TNRC6A: variants seen among roughly 807,000 people sequenced by gnomAD.
TNRC6A encodes the protein trinucleotide repeat containing adaptor 6A, also known as trinucleotide repeat-containing gene 6A protein.
A neutral mutation model predicts 221.2 loss-of-function variants in TNRC6A; 44 were observed. That is an observed-to-expected ratio of 0.20 (90% CI 0.16 to 0.26). The LOEUF is 0.26. TNRC6A is among the 10% of genes least tolerant of loss of function. The pLI, the probability that TNRC6A is intolerant of heterozygous loss-of-function variation, is 1.00. For synonymous variants in TNRC6A, 847 were observed against 838.5 expected, an observed-to-expected ratio of 1.01 and a Z score of -0.18; for missense variants, 2,199 against 2,404.4, an observed-to-expected ratio of 0.91 and a Z score of 1.79.
chr16:24,759,084 G>A (rs2057309811), intron 4 of TNRC6A, among the ~76,000 whole-genome samples: 1 of 152,056 alleles, frequency 6.6e-6, no homozygotes, highest in Admixed American at 6.5e-5. Flanking sequence ...GATGAATAAA[G>A]GAATGAAATG....
At chr16:24,640,130 T>C (rs985790388) in intron 1 of TNRC6A, among the ~76,000 whole-genome samples, 3 of 152,248 alleles carry the variant, frequency 2.0e-5, no homozygotes, top group Non-Finnish European at 4.4e-5. Context: ...CCAGGCATAG[T>C]GGCTCACGCC....
rs766868331 is a variant in TNRC6A, at chr16:24,806,612, A to C, written c.4368A>C (p.Gln1456His). 1 of 1,614,220 alleles carries C rather than the reference A, an allele frequency of 6.2e-7. No individual in the cohort carries two copies. Among genetic ancestry groups the C allele is most frequent in the African/African-American group, 1.3e-5 (1 of 75,060 alleles). The change falls in exon 17 of 25, where the codon CAA becomes CAC. Residue 1456 changes from glutamine to histidine, a missense_variant. Gln to His is a conservative substitution (Grantham distance 24, BLOSUM62 0). Transcript: ENST00000395799. ...GTGTGCAGCAGCAAATGATGCAACA[A>C]TCTCGTCAACTTGATCCAAACCTGT... is the stretch of plus-strand genomic sequence containing the variant. ...PLSVQQQMMQ[Q>H]SRQLDPNLLV...
chr16:24,804,989 T>TA, intron 13 of TNRC6A, 25 bp from the exon 14 acceptor site: 1 of 1,614,222 alleles, frequency 6.2e-7, no homozygotes, highest in Non-Finnish European at 8.5e-7. Context: ...ATCCCACTGT[T>TA]ACTTGTTGCT....
chr16:24,778,051 A>G (rs1266990445), intron 5 of TNRC6A, among the ~76,000 whole-genome samples: 1 of 152,190 alleles, frequency 6.6e-6, no homozygotes, highest in African/African-American at 2.4e-5. Flanking sequence ...CAGGTAGAGA[A>G]TTAGGTGCTA....
chr16:24,642,570 C>T (rs913849000), intron 2 of TNRC6A, among the ~76,000 whole-genome samples: 3 of 152,192 alleles, frequency 2.0e-5, no homozygotes, highest in East Asian at 3.9e-4. Context: ...GTAATCCCAG[C>T]ACTTTGGGAG....
At chr16:24,715,462 T>C (rs770303350) in intron 2 of TNRC6A, among the ~76,000 whole-genome samples, 4 of 152,116 alleles carry the variant, frequency 2.6e-5, no homozygotes, top group Non-Finnish European at 4.4e-5. Context: ...AAAACCCTCC[T>C]AAGTACCATA....
intron 2 of TNRC6A, among the ~76,000 whole-genome samples, chr16:24,707,832 G>A (rs1015396370): frequency 6.6e-6 from 1 of 152,202 alleles, no homozygotes; most frequent in African/African-American, 2.4e-5. Flanking sequence ...GCCAAGGTGG[G>A]TAGACGTCTT....
chr16:24,776,822 T>C, intron 4 of TNRC6A, 111 bp from the exon 5 acceptor site: 1 of 1,511,204 alleles, frequency 6.6e-7, no homozygotes, highest in Non-Finnish European at 8.8e-7. Flanking sequence ...CACAGAAAGC[T>C]TCTGTTTTTT....
intron 18 of TNRC6A, among the ~76,000 whole-genome samples, chr16:24,810,277 A>G (rs761855459): frequency 6.6e-6 from 1 of 152,110 alleles, no homozygotes; most frequent in Non-Finnish European, 1.5e-5. Flanking sequence ...CACCCAGCAA[A>G]TATTAATCGA....
Position 24,659,890 on chromosome 16 carries a change from A to G in TNRC6A, n.402+18881A>G, listed in dbSNP as rs376375487. Among the ~76,000 whole-genome samples the G allele has an allele frequency of 2.6e-5, 4 of 152,210 alleles. No homozygotes were observed. In the South Asian group the frequency reaches 6.2e-4, roughly 24 times the overall value. ...AAGATGTATCCTCTATTATTAGTGC[A>G]TAGTATTCGACATAAACTACAAAGT... On this transcript the variant is annotated intron_variant and non_coding_transcript_variant, in intron 2 of 2. Transcript: ENST00000566108.
intron 2 of TNRC6A, among the ~76,000 whole-genome samples, chr16:24,706,832 A>G (rs576771617): frequency 1.2e-4 from 18 of 152,200 alleles, no homozygotes; most frequent in African/African-American, 4.1e-4. Context: ...ATCAGAGAGA[A>G]AAAAATAAAA....
In TNRC6A at chr16:24,630,792, G is replaced by A. The variant is rs575729455; in HGVS notation, n.277-10092G>A. Among the ~76,000 whole-genome samples, 221 of 152,246 alleles carry A rather than the reference G, an allele frequency of 1.5e-3. 3 individuals are homozygous for A. The highest frequency in any genetic ancestry group is 4.9e-3 in the African/African-American group (202 of 41,548). On this transcript the variant is annotated intron_variant and non_coding_transcript_variant, in intron 1 of 2. Coordinates refer to the TNRC6A transcript ENST00000566108. ...GGCTAGTCAGAAGTTGTCCCTTCAC[G>A]GACTCTACTCAGAGTACCTAAAACC... is the stretch of plus-strand genomic sequence containing the variant.
At chr16:24,622,543 G>T (rs1230970829) in intron 1 of TNRC6A, among the ~76,000 whole-genome samples, 1 of 152,130 alleles carries the variant, frequency 6.6e-6, no homozygotes, top group Admixed American at 6.6e-5. Context: ...GCAGTGAGCC[G>T]AGATCGCACT....
intron 2 of TNRC6A, among the ~76,000 whole-genome samples, chr16:24,721,225 C>T (rs2056405432): frequency 1.3e-5 from 2 of 152,174 alleles, no homozygotes; most frequent in South Asian, 4.1e-4. Context: ...ATACACTTAC[C>T]TTGTGATCCA....
At chr16:24,745,810 G>A (rs1417570731) in intron 2 of TNRC6A, among the ~76,000 whole-genome samples, 1 of 92,002 alleles carries the variant, frequency 1.1e-5, no homozygotes, top group Non-Finnish European at 2.1e-5. Context: ...CCCCCCCCCA[G>A]CTAATTGTTA....
intron 2 of TNRC6A, among the ~76,000 whole-genome samples, chr16:24,670,261 T>C (rs1004934239): frequency 6.6e-6 from 1 of 152,012 alleles, no homozygotes; most frequent in African/African-American, 2.4e-5. Context: ...GCTGTTCTTA[T>C]TATCTCCATT....
chr16:24,651,538 C>CAAAAAAAAAAAAA (rs768568973), intron 2 of TNRC6A, among the ~76,000 whole-genome samples: 2 of 48,756 alleles, frequency 4.1e-5, no homozygotes, highest in African/African-American at 6.4e-5. Context: ...AACTCCATCT[C>CAAAAAAAAAAAAA]AAAAAAAAAA....
chr16:24,752,176 A>G (rs1172014910), intron 3 of TNRC6A, among the ~76,000 whole-genome samples: 1 of 152,208 alleles, frequency 6.6e-6, no homozygotes, highest in Non-Finnish European at 1.5e-5. Context: ...GGTAGATACC[A>G]GAGTGTGAAA....
chr16:24,691,383 C>A (rs2055753035), intron 2 of TNRC6A, among the ~76,000 whole-genome samples: 1 of 152,108 alleles, frequency 6.6e-6, no homozygotes, highest in Non-Finnish European at 1.5e-5. Flanking sequence ...GCGCCCAACC[C>A]ATTTTACATT....
Sources: allele counts gnomAD v4.1 joint callset (sites outside exome capture counted in the v4.1 genomes callset), GRCh38; gene constraint gnomAD v4.1.1; transcripts MANE v1.5; gene names NCBI Gene and HGNC (gene_info 2026-07-23, HGNC 2026-07-21).